CTNNA3: variants seen among roughly 807,000 people sequenced by gnomAD.
The protein encoded by CTNNA3 is catenin alpha 3.
A neutral mutation model predicts 95.7 loss-of-function variants in CTNNA3; 76 were observed. That is an observed-to-expected ratio of 0.79 (90% CI 0.66 to 0.96). The LOEUF (loss-of-function observed/expected upper bound fraction) is 0.96, where lower values mean the gene tolerates loss of function less well. CTNNA3 is among the 40% of genes least tolerant of loss of function. CTNNA3 has a pLI of 0.00. For missense variants in CTNNA3, 1,191 were observed against 1,089.8 expected (o/e 1.09, Z -1.31); for synonymous variants, 431 against 374.4 (o/e 1.15, Z -1.74).
chr10:66,355,057 G>A (rs1432555137), intron 12 of CTNNA3, among the ~76,000 whole-genome samples: 1 of 152,016 alleles, frequency 6.6e-6, no homozygotes, highest in Admixed American at 6.5e-5. Context: ...GAATACACAC[G>A]CTAGACAGGC....
At chr10:67,404,489 C>T (rs914129238) in intron 5 of CTNNA3, among the ~76,000 whole-genome samples, 1 of 151,718 alleles carries the variant, frequency 6.6e-6, no homozygotes, top group Non-Finnish European at 1.5e-5. Context: ...TGAAATAACA[C>T]AGGCAGACAA....
chr10:67,027,436 CT>C lies in CTNNA3; in HGVS notation c.1047+152880del, dbSNP rs5785811. Among the ~76,000 whole-genome samples the C allele has an allele frequency of 8.0e-3, 1,072 of 134,312 alleles. 13 individuals carry two copies. The highest frequency in any genetic ancestry group is 0.025 in the African/African-American group (898 of 36,316). 88.1% of individuals were successfully genotyped at this position (134,312 alleles called of 152,430 possible). On this transcript the variant is annotated intron_variant, in intron 7 of 17. Transcript: ENST00000433211. ...GACTTGCCTTTTTTTTCTTTCATGA[CT>C]TTTTTTTTTTTTTTTGATACACAGT...
intron 13 of CTNNA3, among the ~76,000 whole-genome samples, chr10:66,109,068 C>T (rs1380422749): frequency 6.6e-6 from 1 of 152,176 alleles, no homozygotes; most frequent in Non-Finnish European, 1.5e-5. Context: ...TACTCCTTGA[C>T]AATCCAATAT....
At chr10:67,586,310 A>G (rs889934379) in intron 3 of CTNNA3, among the ~76,000 whole-genome samples, 3 of 152,048 alleles carry the variant, frequency 2.0e-5, no homozygotes, top group Non-Finnish European at 4.4e-5. Context: ...TGTTGGGTAG[A>G]GTGTTCTGTA....
chr10:67,004,129 C>T (rs1851837092), intron 7 of CTNNA3, among the ~76,000 whole-genome samples: 1 of 151,014 alleles, frequency 6.6e-6, no homozygotes, highest in South Asian at 2.1e-4. Context: ...GGCTGTGGAG[C>T]CATGGCTGTG....
At chr10:66,711,383 A>C (rs10997337) in intron 9 of CTNNA3, among the ~76,000 whole-genome samples, 4,897 of 152,054 alleles carry the variant, frequency 0.032, 201 homozygotes, top group East Asian at 0.22. Context: ...ATATCATGAA[A>C]TATATGAATT....
chr10:66,183,520 T>C (rs1240920380), intron 13 of CTNNA3, among the ~76,000 whole-genome samples: 2 of 152,240 alleles, frequency 1.3e-5, no homozygotes, highest in Non-Finnish European at 2.9e-5. Context: ...ACTTTTTAAG[T>C]GCTATGGACT....
intron 12 of CTNNA3, among the ~76,000 whole-genome samples, chr10:66,339,991 A>T (rs558594687): frequency 1.7e-4 from 26 of 151,822 alleles, no homozygotes; most frequent in Non-Finnish European, 4.4e-5. Context: ...TCCCTCATGC[A>T]TGATACTTAT....
chr10:66,413,023 A>T (rs1157482294), intron 11 of CTNNA3, among the ~76,000 whole-genome samples: 1 of 152,218 alleles, frequency 6.6e-6, no homozygotes, highest in Non-Finnish European at 1.5e-5. Context: ...CAATATAAGT[A>T]ACATGTTGAG....
intron 11 of CTNNA3, among the ~76,000 whole-genome samples, chr10:66,437,429 A>T (rs999767868): frequency 3.3e-5 from 5 of 151,720 alleles, no homozygotes; most frequent in Non-Finnish European, 7.4e-5. Context: ...GCTTTATTTC[A>T]TTAAGTTGAT....
At chr10:67,436,231 C>A (rs542220777) in intron 5 of CTNNA3, among the ~76,000 whole-genome samples, 1 of 152,056 alleles carries the variant, frequency 6.6e-6, no homozygotes, top group African/African-American at 2.4e-5. Context: ...GGAGAGGACA[C>A]CCTTTTCAAC....
At chr10:66,550,381 C>A (rs1842177850) in intron 10 of CTNNA3, among the ~76,000 whole-genome samples, 1 of 152,138 alleles carries the variant, frequency 6.6e-6, no homozygotes, top group African/African-American at 2.4e-5. Flanking sequence ...TCCACTTTGG[C>A]ATTCTCTATC....
intron 5 of CTNNA3, among the ~76,000 whole-genome samples, chr10:67,445,099 G>T (rs7900877): frequency 0.85 from 129,225 of 151,836 alleles, 56,251 homozygotes; most frequent in Non-Finnish European, 0.95. Context: ...TCCATGAGGC[G>T]AGTATTACCC....
intron 5 of CTNNA3, among the ~76,000 whole-genome samples, chr10:67,503,658 T>A (rs1839303014): frequency 6.6e-6 from 1 of 152,200 alleles, no homozygotes; most frequent in African/African-American, 2.4e-5. Flanking sequence ...ATATTACATA[T>A]AGAATGTATA....
chr10:67,559,189 A>C (rs748273631), intron 3 of CTNNA3, among the ~76,000 whole-genome samples: 1 of 152,234 alleles, frequency 6.6e-6, no homozygotes, highest in African/African-American at 2.4e-5. Context: ...TGCCTCCTCA[A>C]GTGGGTCTCT....
intron 12 of CTNNA3, among the ~76,000 whole-genome samples, chr10:66,294,507 A>G (rs532476548): frequency 6.6e-6 from 1 of 152,322 alleles, no homozygotes; most frequent in Admixed American, 6.5e-5. Flanking sequence ...GCTCTACATT[A>G]TGAATATAGA....
At chr10:67,596,090 T>C (rs2133357625) in intron 3 of CTNNA3, among the ~76,000 whole-genome samples, 1 of 152,350 alleles carries the variant, frequency 6.6e-6, no homozygotes, top group East Asian at 1.9e-4. Flanking sequence ...AACTTACTTC[T>C]CTATGCCTTT....
At chr10:66,972,929 A>C (rs1312457027) in intron 7 of CTNNA3, among the ~76,000 whole-genome samples, 1 of 152,022 alleles carries the variant, frequency 6.6e-6, no homozygotes, top group Non-Finnish European at 1.5e-5. Flanking sequence ...CAAGTTTCAT[A>C]GATTAAAAAG....
chr10:67,193,304 T>C (rs1904650), intron 6 of CTNNA3, among the ~76,000 whole-genome samples: 4,159 of 152,114 alleles, frequency 0.027, 136 homozygotes, highest in African/African-American at 0.09. Flanking sequence ...TCTTTGTCAA[T>C]TGAATATTTA....
Sources: gnomAD v4.1 joint callset for allele counts (sites outside exome capture counted in the v4.1 genomes callset) on GRCh38, gnomAD v4.1.1 for gene constraint, MANE v1.5 for transcripts, NCBI Gene and HGNC (gene_info 2026-07-23, HGNC 2026-07-21) for gene names.